SRSF8: variants seen among roughly 807,000 people sequenced by gnomAD.
The protein encoded by SRSF8 is serine and arginine rich splicing factor 8.
In SRSF8, 3 loss-of-function variants were observed where a neutral mutation model predicts 2.0. The observed-to-expected ratio is 1.47, with a 90% CI of 0.67 to 3.79. The LOEUF is 3.79. Ranked by LOEUF, SRSF8 falls within the 30% of genes most tolerant of loss-of-function variation. SRSF8 has a pLI of 0.02. For missense variants in SRSF8, 408 were observed against 410.9 expected (o/e 0.99, Z 0.06); for synonymous variants, 162 against 170.7 (o/e 0.95, Z 0.40).
chr11:95,068,277 T>C lies in SRSF8; in HGVS notation c.*202T>C. The C allele has an allele frequency of 3.4e-6, 2 of 594,948 alleles. No individual in the cohort carries two copies. Among genetic ancestry groups the C allele is most frequent in the Non-Finnish European group, 6.1e-6 (2 of 330,508 alleles). The allele number at this position is 594,948 out of a possible 1,614,324, so 36.9% of individuals were successfully genotyped here. A position where few individuals can be genotyped will look rare whatever the true frequency, so the allele number is the denominator to read the frequency against. On this transcript the variant is annotated 3_prime_UTR_variant, in exon 1 of 1. Transcript: ENST00000587424. Reference sequence around the variant, plus strand: ...GTGCCGTTTTGTTGTTATTCACATTTTATTGTAACTTAGGAGGTGAACGAC... The same window carrying C: ...GTGCCGTTTTGTTGTTATTCACATTCTATTGTAACTTAGGAGGTGAACGAC...
rs529438413 is a variant in SRSF8 at position 95,070,774 on chromosome 11, C to T, written c.*2699C>T. 11 of 167,138 alleles carry T rather than the reference C, an allele frequency of 6.6e-5. No homozygotes were observed. The highest frequency in any genetic ancestry group is 1.5e-4 in the Non-Finnish European group (10 of 68,114). 10.4% of individuals were successfully genotyped at this position (167,138 alleles called of 1,614,324 possible). On this transcript the variant is annotated 3_prime_UTR_variant, in exon 1 of 1. Coordinates refer to ENST00000587424, the MANE Select transcript of SRSF8 (RefSeq NM_032102.4). ...GGAAATGGACATAAATAGACATATT[C>T]AGGAAATATATTGATCTTAGATCTA...
In SRSF8 at chr11:95,069,432, C is replaced by G. The variant is rs1027071580; in HGVS notation, c.*1357C>G. ...CCTTTACTAGCAAAGGGAAAAATAACAATTTGGTGTCAATGATCTGGTGAC... is the reference window on the plus strand; with the variant it reads ...CCTTTACTAGCAAAGGGAAAAATAAGAATTTGGTGTCAATGATCTGGTGAC... On this transcript the variant is annotated 3_prime_UTR_variant, in exon 1 of 1. Coordinates refer to ENST00000587424, the MANE Select transcript of SRSF8 (RefSeq NM_032102.4). 1 of 166,056 alleles carries G rather than the reference C, an allele frequency of 6.0e-6. No individual in the cohort carries two copies. The highest frequency in any genetic ancestry group is 2.4e-5 in the African/African-American group (1 of 41,386). 10.3% of individuals were successfully genotyped at this position (166,056 alleles called of 1,614,324 possible). A position where few individuals can be genotyped will look rare whatever the true frequency, so the allele number is the denominator to read the frequency against.
Position 95,070,919 on chromosome 11 carries a change from T to A in SRSF8, c.*2844T>A, listed in dbSNP as rs1858728611. On this transcript the variant is annotated 3_prime_UTR_variant, in exon 1 of 1. Transcript: ENST00000587424. ...TGCTGTTTAGTGAGTTGGGGAAGAC[T>A]GGGCGTGGTGATGGGTGTAGAAATT... 1 of 167,140 alleles carries A rather than the reference T, an allele frequency of 6.0e-6. No homozygotes were observed. The highest frequency in any genetic ancestry group is 1.5e-5 in the Non-Finnish European group (1 of 68,130). 10.4% of individuals were successfully genotyped at this position (167,140 alleles called of 1,614,324 possible).
rs1555107118 is a variant in SRSF8 at position 95,067,621 on chromosome 11, A to G, written c.395A>G (p.His132Arg). ...GRRSRSPRRR[H>R]RSRSRGPSCS... ...CGGAGCCGCAGCCCCAGGCGGCGAC[A>G]CCGCAGCCGATCCCGGGGTCCCAGC... Residue 132 changes from histidine to arginine, a missense_variant, in exon 1 of 1, where the codon CAC becomes CGC. Transcript: ENST00000587424. 5 of 1,575,014 alleles carry G rather than the reference A, an allele frequency of 3.2e-6. No individual in the cohort carries two copies. The highest frequency in any genetic ancestry group is 4.3e-6 in the Non-Finnish European group (5 of 1,161,054).
Position 95,068,073 on chromosome 11 carries a change from TA to T in SRSF8, c.849del (p.Ter283=). On this transcript the variant is annotated frameshift_variant and stop_lost, in exon 1 of 1. Transcript: ENST00000587424. LOFTEE classifies it high-confidence loss of function. ...SPEEEGQMSS[*>X] ...TGAAGAGGAAGGACAGATGTCCTCT[TA>T]AGAAAATGATGCATCAGGAAGCAAC... is the stretch of plus-strand genomic sequence containing the variant. 6.2e-7 allele frequency: 1 copy of T among 1,602,866 alleles called. No homozygotes were observed. Among genetic ancestry groups the T allele is most frequent in the Non-Finnish European group, 8.5e-7 (1 of 1,171,034 alleles).
At position 95,067,243 on chromosome 11, in the gene SRSF8, C is replaced by T. The variant is rs1858658413; in HGVS notation, c.17C>T (p.Pro6Leu). The change falls in exon 1 of 1, where the codon CCC becomes CTC. Residue 6 changes from proline (P) to leucine (L), a missense_variant. Around this residue, in one of 2 missense-constraint regions of SRSF8, gnomAD observed 62 missense variants for 94.4 expected, o/e 0.66. Coordinates refer to ENST00000587424, the MANE Select transcript of SRSF8 (RefSeq NM_032102.4). MSCGR[P>L]PPDVDGMITL... is the part of the protein sequence containing the mutation. ...CTCGGAGCCATGAGCTGCGGCCGCC[C>T]CCCTCCCGACGTGGACGGCATGATC... 2 of 1,538,402 alleles carry T rather than the reference C, an allele frequency of 1.3e-6. No homozygotes were observed. Among genetic ancestry groups the T allele is most frequent in the Non-Finnish European group, 1.8e-6 (2 of 1,138,842 alleles).
Position 95,069,873 on chromosome 11 carries a change from G to T in SRSF8, c.*1798G>T, listed in dbSNP as rs1260523467. 1 of 167,100 alleles carries T rather than the reference G, an allele frequency of 6.0e-6. No homozygotes were observed. Among genetic ancestry groups the T allele is most frequent in the Non-Finnish European group, 1.5e-5 (1 of 68,156 alleles). 10.4% of individuals were successfully genotyped at this position (167,100 alleles called of 1,614,324 possible). On this transcript the variant is annotated 3_prime_UTR_variant, in exon 1 of 1. Transcript: ENST00000587424. ...CGCGTCCAGCAGGTGGCGAAGGGAG[G>T]TGAGGTATATTTATTAAATGGGACC... is the stretch of plus-strand genomic sequence containing the variant.
rs1282494541 is a variant in SRSF8, at chr11:95,069,045, T to C, written c.*970T>C. ...CTTTTTGATTATTAATTTTTTACGC[T>C]AACCATTGTTTCTGTAGTTAAAATT... On this transcript the variant is annotated 3_prime_UTR_variant, in exon 1 of 1. Transcript: ENST00000587424. 6.0e-6 allele frequency: 1 copy of C among 166,984 alleles called. No individual in the cohort carries two copies. The highest frequency in any genetic ancestry group is 1.9e-4 in the East Asian group (1 of 5,210). The allele number at this position is 166,984 out of a possible 1,614,324, so 10.3% of individuals were successfully genotyped here.
In SRSF8 at chr11:95,067,486, T is replaced by C; in HGVS notation, c.260T>C (p.Val87Ala). Residue 87 changes from valine to alanine, a missense_variant, in exon 1 of 1, where the codon GTG becomes GCG. Transcript: ENST00000587424. ...GAELDGRELRVQVARYGRRDL... is the reference protein window; with the variant it reads ...GAELDGRELRAQVARYGRRDL... ...GAGCTGGACGGACGCGAGCTGCGGG[T>C]GCAGGTGGCGCGCTATGGCCGCCGG... 2.1e-6 allele frequency: 3 copies of C among 1,410,610 alleles called. No homozygotes were observed. Among genetic ancestry groups the C allele is most frequent in the Non-Finnish European group, 2.8e-6 (3 of 1,071,448 alleles). The allele number at this position is 1,410,610 out of a possible 1,614,324, so 87.4% of individuals were successfully genotyped here.
rs1253683796 is a variant in SRSF8, at chr11:95,068,657, C to T, written c.*582C>T. 2 of 170,516 alleles carry T rather than the reference C, an allele frequency of 1.2e-5. No homozygotes were observed. Among genetic ancestry groups the T allele is most frequent in the Admixed American group, 6.2e-5 (1 of 16,170 alleles). 10.6% of individuals were successfully genotyped at this position (170,516 alleles called of 1,614,324 possible). On this transcript the variant is annotated 3_prime_UTR_variant, in exon 1 of 1. Coordinates refer to ENST00000587424, the MANE Select transcript of SRSF8 (RefSeq NM_032102.4). ...TCTTTTGTGTTTTTGTGCACCAGGCCCGGCTGCGTAGCAGTTGAGTGATGC... is the reference window on the plus strand; with the variant it reads ...TCTTTTGTGTTTTTGTGCACCAGGCTCGGCTGCGTAGCAGTTGAGTGATGC...
rs1395089580 is a variant in SRSF8 at position 95,069,010 on chromosome 11, C to T, written c.*935C>T. ...TTATAAGTTTGTTAAGTACTTATAA[C>T]ATGGTTTATCTTTTTGATTATTAAT... On this transcript the variant is annotated 3_prime_UTR_variant, in exon 1 of 1. Transcript: ENST00000587424. 1 of 166,798 alleles carries T rather than the reference C, an allele frequency of 6.0e-6. No individual in the cohort carries two copies. The highest frequency in any genetic ancestry group is 1.5e-5 in the Non-Finnish European group (1 of 68,112). The allele number at this position is 166,798 out of a possible 1,614,324, so 10.3% of individuals were successfully genotyped here.
In SRSF8 at chr11:95,067,207, C is replaced by T. The variant is rs781950158; in HGVS notation, c.-20C>T. 9.6e-6 allele frequency: 14 copies of T among 1,465,050 alleles called. No homozygotes were observed. The South Asian group carries it at 1.8e-4, about 19-fold the overall frequency. 90.8% of individuals were successfully genotyped at this position (1,465,050 alleles called of 1,614,324 possible). A position where few individuals can be genotyped will look rare whatever the true frequency, so the allele number is the denominator to read the frequency against. On this transcript the variant is annotated 5_prime_UTR_variant, in exon 1 of 1. Coordinates refer to ENST00000587424, the MANE Select transcript of SRSF8 (RefSeq NM_032102.4). ...GCCCAGAGCAGCGCCAGTTTCCGGG[C>T]CCGGGCTGCTCTCGGAGCCATGAGC...
Position 95,067,917 on chromosome 11 carries a change from C to G in SRSF8, c.691C>G (p.Arg231Gly). ...AACCTCCAAATCGAGCTCTGCGCGACGATCCAAGTCCTCCTCGGTCTCCAG... is the reference window on the plus strand; with the variant it reads ...AACCTCCAAATCGAGCTCTGCGCGAGGATCCAAGTCCTCCTCGGTCTCCAG... ...ASTSKSSSAR[R>G]SKSSSVSRSR... The change falls in exon 1 of 1, where the codon CGA becomes GGA. Residue 231 changes from arginine to glycine, a missense_variant. Arg to Gly is a moderately radical substitution (Grantham distance 125). Transcript: ENST00000587424. 6.2e-7 allele frequency: 1 copy of G among 1,614,022 alleles called. No individual in the cohort carries two copies. Among genetic ancestry groups the G allele is most frequent in the Non-Finnish European group, 8.5e-7 (1 of 1,179,914 alleles).
In SRSF8 at chr11:95,067,710, C is replaced by A. The variant is rs782013081; in HGVS notation, c.484C>A (p.Arg162=). The change falls in exon 1 of 1, where the codon CGA becomes AGA. Residue 162 remains arginine (R), a synonymous_variant. Coordinates refer to ENST00000587424, the MANE Select transcript of SRSF8 (RefSeq NM_032102.4). The stretch of plus-strand genomic sequence containing the variant: ...TCGCTATAGCCGGTCTCCCTACAGC[C>A]GATCTCCTTACAGCCGGTCGCGCTA... The part of the protein sequence containing the change: ...GSRYSRSPYS[R]SPYSRSRYSR... 5.0e-6 allele frequency: 8 copies of A among 1,613,946 alleles called. No homozygotes were observed. Among genetic ancestry groups the A allele is most frequent in the Non-Finnish European group, 6.8e-6 (8 of 1,179,832 alleles).
rs1269739687 is a variant in SRSF8 at position 95,067,162 on chromosome 11, A to G, written c.-65A>G. ...CGCGGGGCGCAACCGCGAGAAAGAA[A>G]CGCAGGTCGCACCGTCAGCGCCCAG... On this transcript the variant is annotated 5_prime_UTR_variant, in exon 1 of 1. Transcript: ENST00000587424. The G allele has an allele frequency of 1.4e-5, 19 of 1,332,988 alleles. No homozygotes were observed. The highest frequency in any genetic ancestry group is 1.8e-5 in the Non-Finnish European group (19 of 1,027,842). 82.6% of individuals were successfully genotyped at this position (1,332,988 alleles called of 1,614,324 possible).
chr11:95,067,627 G>A lies in SRSF8; in HGVS notation c.401G>A (p.Ser134Asn). 1.3e-6 allele frequency: 2 copies of A among 1,583,538 alleles called. No homozygotes were observed. The stretch of plus-strand genomic sequence containing the variant: ...CGCAGCCCCAGGCGGCGACACCGCA[G>A]CCGATCCCGGGGTCCCAGCTGCTCC... ...RSRSPRRRHR[S>N]RSRGPSCSRS... The change falls in exon 1 of 1, where the codon AGC becomes AAC. Residue 134 changes from serine (S) to asparagine (N), a missense_variant. By Grantham distance (46) the Ser-to-Asn change is conservative. Around this residue, in one of 2 missense-constraint regions of SRSF8, gnomAD observed 346 missense variants for 316.5 expected, o/e 1.09. Transcript: ENST00000587424.
In SRSF8 at chr11:95,067,404, G is replaced by A; in HGVS notation, c.178G>A (p.Val60Ile). ...CAAGGCGCCCCGGGGCTTCGCTTTCGTCCGCTTTCACGACCGGCGCGACGC... is the reference window on the plus strand; with the variant it reads ...CAAGGCGCCCCGGGGCTTCGCTTTCATCCGCTTTCACGACCGGCGCGACGC... ...HTKAPRGFAF[V>I]RFHDRRDAQD... The change falls in exon 1 of 1, where the codon GTC (valine) becomes ATC (isoleucine). Residue 60 changes from valine to isoleucine, a missense_variant. By Grantham distance (29) the Val-to-Ile change is conservative. Coordinates refer to ENST00000587424, the MANE Select transcript of SRSF8 (RefSeq NM_032102.4). 2 of 1,577,630 alleles carry A rather than the reference G, an allele frequency of 1.3e-6. No homozygotes were observed. The highest frequency in any genetic ancestry group is 1.2e-5 in the South Asian group (1 of 86,146).
In SRSF8 at chr11:95,067,810, AC is replaced by A; in HGVS notation, c.585del (p.Tyr195Ter). 6.2e-7 allele frequency: 1 copy of A among 1,613,976 alleles called. No individual in the cohort carries two copies. ...GGATCTCACTACAGCTCATCTGGTT[AC>A]AGTAACTCTCGCTACAGCCGATATC... is the stretch of plus-strand genomic sequence containing the variant. ...YGGSHYSSSGYSNSRYSRYHS... is the reference protein window; with the variant it reads ...YGGSHYSSSGXSNSRYSRYHS... On this transcript the variant is annotated frameshift_variant, in exon 1 of 1. Transcript: ENST00000587424. LOFTEE classifies it low-confidence loss of function (END_TRUNC).
In SRSF8 at chr11:95,070,282, C is replaced by T. The variant is rs1285406842; in HGVS notation, c.*2207C>T. The stretch of plus-strand genomic sequence containing the variant: ...TACTCGGAGGCTGAGGCAGGATAAT[C>T]GCTTGAAACCGGGAGACAGAGGTTG... On this transcript the variant is annotated 3_prime_UTR_variant, in exon 1 of 1. Coordinates refer to ENST00000587424, the MANE Select transcript of SRSF8 (RefSeq NM_032102.4). The T allele has an allele frequency of 5.0e-5, 7 of 140,276 alleles. No individual in the cohort carries two copies. Among genetic ancestry groups the T allele is most frequent in the African/African-American group, 1.9e-4 (7 of 37,366 alleles). The allele number at this position is 140,276 out of a possible 1,614,324, so 8.7% of individuals were successfully genotyped here.
Sources: gnomAD v4.1 joint callset for allele counts on GRCh38, gnomAD v4.1.1 for gene constraint, gnomAD v4.1.1 regional missense constraint, MANE v1.5 for transcripts, NCBI Gene and HGNC (gene_info 2026-07-23, HGNC 2026-07-21) for gene names.